CELF2: variants seen among roughly 807,000 people sequenced by gnomAD.
The protein encoded by CELF2 is CUGBP Elav-like family member 2, also known as CUG triplet repeat RNA-binding protein 2.
CELF2 carries 8 observed loss-of-function variants against 62.6 expected under a neutral mutation model. The ratio of observed to expected loss-of-function variants is 0.13; its 90% confidence interval spans 0.07 to 0.23. CELF2 has a LOEUF of 0.23. CELF2 is among the 10% of genes least tolerant of loss of function. CELF2 has a pLI of 1.00. For synonymous variants in CELF2, 258 were observed against 250.0 expected, an observed-to-expected ratio of 1.03 and a Z score of -0.30; for missense variants, 333 against 671.0, an observed-to-expected ratio of 0.50 and a Z score of 5.56.
At chr10:11,235,770 G>A (rs1427128075) in intron 3 of CELF2, among the ~76,000 whole-genome samples, 1 of 149,986 alleles carries the variant, frequency 6.7e-6, no homozygotes, top group African/African-American at 2.4e-5. Flanking sequence ...AAGGCACTTT[G>A]TAAAACTTGC....
At chr10:11,084,149 C>G (rs1332212009) in intron 1 of CELF2, among the ~76,000 whole-genome samples, 1 of 152,234 alleles carries the variant, frequency 6.6e-6, no homozygotes, top group Non-Finnish European at 1.5e-5. Context: ...ATCTTGTTTT[C>G]TGGTTGGATG....
In CELF2 at chr10:11,165,672, G is replaced by T. The variant is rs1336481832; in HGVS notation, c.261G>T (p.Pro87=). Residue 87 remains proline, a synonymous_variant, in exon 2 of 13, where the codon CCG becomes CCT. Coordinates refer to ENST00000633077, the MANE Select transcript of CELF2 (RefSeq NM_001326342.2). The surrounding 1 kb of genome is among the most constrained non-coding windows in gnomAD (Gnocchi z 7.4). The stretch of plus-strand genomic sequence containing the variant: ...TCCGGGACCGGAGTCAGAACCCTCC[G>T]CAGAGTAAAGGTACAGAGCGCGGGG... The part of the protein sequence containing the change: ...NVLRDRSQNP[P]QSKGCCFVTF... 2 of 1,612,836 alleles carry T rather than the reference G, an allele frequency of 1.2e-6. No homozygotes were observed. Among genetic ancestry groups the T allele is most frequent in the Admixed American group, 1.7e-5 (1 of 59,862 alleles).
chr10:11,152,162 C>T (rs954321186), intron 1 of CELF2, among the ~76,000 whole-genome samples: 1 of 152,144 alleles, frequency 6.6e-6, no homozygotes, highest in Non-Finnish European at 1.5e-5. Flanking sequence ...TTGGGCTGTT[C>T]CACATGCAGG....
intron 1 of CELF2, among the ~76,000 whole-genome samples, chr10:10,817,931 G>T (rs193285532): frequency 6.6e-6 from 1 of 152,154 alleles, no homozygotes; most frequent in Non-Finnish European, 1.5e-5. Context: ...TTCAAATCCA[G>T]TCTGCCACTT....
At chr10:10,549,853 G>C in the CELF2 span, among the ~76,000 whole-genome samples, 2 of 152,146 alleles carry the variant, frequency 1.3e-5, no homozygotes, top group African/African-American at 4.8e-5. Context: ...ATAAAAGGTA[G>C]GTTCCCCAGG....
At chr10:10,636,705 T>C in the CELF2 span, among the ~76,000 whole-genome samples, 1 of 152,200 alleles carries the variant, frequency 6.6e-6, no homozygotes. Context: ...AAATCCTTAT[T>C]GCTTACGAAT....
Position 11,302,990 on chromosome 10 carries a change from C to T in CELF2, c.977-11149C>T, listed in dbSNP as rs2093908692. Among the ~76,000 whole-genome samples, 1 of 152,186 alleles carries T rather than the reference C, an allele frequency of 6.6e-6. No individual in the cohort carries two copies. Among genetic ancestry groups the T allele is most frequent in the African/African-American group, 2.4e-5 (1 of 41,428 alleles). On this transcript the variant is annotated intron_variant, in intron 9 of 12. Coordinates refer to ENST00000633077, the MANE Select transcript of CELF2 (RefSeq NM_001326342.2). This position sits in a 1 kb window ranked among gnomAD's most constrained non-coding sequence, Gnocchi z 5.0. ...GGACCTTGTGGCCATCAAGCCTAGC[C>T]TCAGGGTCTACAGAAACCCCCTTGA...
At chr10:11,176,811 ATGTTTATCCCAGT>A (rs2071338881) in intron 2 of CELF2, among the ~76,000 whole-genome samples, 1 of 152,140 alleles carries the variant, frequency 6.6e-6, no homozygotes, top group Non-Finnish European at 1.5e-5. Context: ...AATTTTTTCA[ATGTTTATCCCAGT>A]TCCTTCATCC....
intron 2 of CELF2, among the ~76,000 whole-genome samples, chr10:10,945,550 T>A (rs1032265431): frequency 6.6e-6 from 1 of 152,140 alleles, no homozygotes; most frequent in African/African-American, 2.4e-5. Flanking sequence ...TGGGCCTGAC[T>A]TAGGTGGGCT....
At chr10:10,520,834 T>C in the CELF2 span, among the ~76,000 whole-genome samples, 6 of 152,054 alleles carry the variant, frequency 3.9e-5, 1 homozygote, top group South Asian at 6.3e-4. Context: ...TTCACAGAAA[T>C]GGTTAGCTAT....
At position 10,997,331 on chromosome 10, in the gene CELF2, A is replaced by G. The variant is rs576296349; in HGVS notation, c.89+77332A>G. On this transcript the variant is annotated intron_variant, in intron 2 of 13. Coordinates refer to the CELF2 transcript ENST00000636488. This position sits in a 1 kb window ranked among gnomAD's most constrained non-coding sequence, Gnocchi z 5.3. The stretch of plus-strand genomic sequence containing the variant: ...AAAGTATAAAAAATGAAAAAGAGCT[A>G]TGGATGTGTTATGAGAATTTCAAAC... Among the ~76,000 whole-genome samples, 1 of 152,356 alleles carries G rather than the reference A, an allele frequency of 6.6e-6. No individual in the cohort carries two copies. Among genetic ancestry groups the G allele is most frequent in the South Asian group, 2.1e-4 (1 of 4,826 alleles).
chr10:11,274,535 A>G (rs554626110), intron 7 of CELF2, among the ~76,000 whole-genome samples: 62 of 152,360 alleles, frequency 4.1e-4, no homozygotes, highest in African/African-American at 1.4e-3. Flanking sequence ...ATGGCTGCCC[A>G]TTTGCTTGGT....
intron 1 of CELF2, among the ~76,000 whole-genome samples, chr10:10,895,123 C>G (rs1003304717): frequency 2.0e-5 from 3 of 152,142 alleles, no homozygotes; most frequent in Non-Finnish European, 4.4e-5. Context: ...GCTGAAGTCG[C>G]ACAGCTGATA....
At chr10:10,811,763 G>C (rs1217240950) in intron 1 of CELF2, among the ~76,000 whole-genome samples, 2 of 152,160 alleles carry the variant, frequency 1.3e-5, no homozygotes, top group African/African-American at 2.4e-5. Context: ...ATGTGGCCTT[G>C]AGCTGTTAGA....
In CELF2 at chr10:11,165,337, G is replaced by T; in HGVS notation, c.75-149G>T. 1 of 1,451,522 alleles carries T rather than the reference G, an allele frequency of 6.9e-7. No homozygotes were observed. The highest frequency in any genetic ancestry group is 9.0e-7 in the Non-Finnish European group (1 of 1,107,084). 89.9% of individuals were successfully genotyped at this position (1,451,522 alleles called of 1,614,324 possible). ...CTCATGGTGCCTCCGCTTTGTTTTA[G>T]TTCATCAAATTTCTACGACTCATTA... On this transcript the variant is annotated intron_variant, in intron 1 of 12. Transcript: ENST00000633077. This position sits in a 1 kb window ranked among gnomAD's most constrained non-coding sequence, Gnocchi z 7.4.
the CELF2 span, among the ~76,000 whole-genome samples, chr10:10,510,938 C>A: frequency 6.6e-6 from 1 of 152,196 alleles, no homozygotes; most frequent in Non-Finnish European, 1.5e-5. Context: ...ATACAAAGGC[C>A]AGAGGCACTA....
At chr10:10,705,872 T>C in the CELF2 span, among the ~76,000 whole-genome samples, 4 of 152,194 alleles carry the variant, frequency 2.6e-5, no homozygotes, top group African/African-American at 9.6e-5. Context: ...TAATCACTCC[T>C]TGTGTTGCCC....
chr10:10,772,313 T>C, the CELF2 span, among the ~76,000 whole-genome samples: 7 of 152,320 alleles, frequency 4.6e-5, no homozygotes, highest in Admixed American at 1.3e-4. Context: ...GGTGAATCTT[T>C]TGAGCTCTCT....
intron 1 of CELF2, among the ~76,000 whole-genome samples, chr10:10,838,351 G>T (rs1034470252): frequency 1.1e-4 from 17 of 152,120 alleles, no homozygotes; most frequent in African/African-American, 3.9e-4. Flanking sequence ...ATCTGGTGTT[G>T]ATCGCATTTC....
Sources: allele counts gnomAD v4.1 joint callset (sites outside exome capture counted in the v4.1 genomes callset), GRCh38; gene constraint gnomAD v4.1.1; non-coding constraint Gnocchi (gnomAD v3.1); transcripts MANE v1.5; gene names NCBI Gene and HGNC (gene_info 2026-07-23, HGNC 2026-07-21).